The following POU2F3 variants were observed in gnomAD, a reference collection of about 807,000 sequenced individuals.
POU2F3 encodes POU class 2 homeobox 3.
Under a neutral mutation model 59.2 loss-of-function variants are expected in POU2F3, and 23 were observed. The ratio of observed to expected loss-of-function variants is 0.39; its 90% CI spans 0.28 to 0.55. The LOEUF (loss-of-function observed/expected upper bound fraction) is 0.55. POU2F3 is among the 20% of genes least tolerant of loss of function. The pLI, the probability that POU2F3 is intolerant of heterozygous loss-of-function variation, is 0.66. For synonymous variants in POU2F3, 190 were observed against 214.6 expected, an observed-to-expected ratio of 0.89 and a Z score of 1.00; for missense variants, 473 against 544.5, an observed-to-expected ratio of 0.87 and a Z score of 1.31.
chr11:120,294,090 G>C (rs2155811), intron 3 of POU2F3, among the ~76,000 whole-genome samples: 33,118 of 152,136 alleles, frequency 0.22, 4,243 homozygotes, highest in Admixed American at 0.43. Context: ...CTCCTTGGAA[G>C]GGGCTCTCTC....
chr11:120,300,116 G>A (rs1941306121), intron 5 of POU2F3, among the ~76,000 whole-genome samples: 1 of 152,190 alleles, frequency 6.6e-6, no homozygotes, highest in Non-Finnish European at 1.5e-5. Context: ...CTTGCTTCCT[G>A]GAAGCCTGGC....
chr11:120,317,377 G>A lies in POU2F3; in HGVS notation c.1271+13G>A, dbSNP rs191170546. The A allele has an allele frequency of 8.3e-5, 134 of 1,614,048 alleles. No individual in the cohort carries two copies. In the African/African-American group the frequency reaches 1.7e-3, roughly 20 times the overall value. On this transcript the variant is annotated intron_variant, in intron 12 of 12. Coordinates refer to ENST00000543440, the MANE Select transcript of POU2F3 (RefSeq NM_014352.4). Reference sequence around the variant, plus strand: ...TTAACTCTTCAGGGTAAGGTGAAGGGGACGGTGCAGAGACATCCCAGCAGG... The same window carrying A: ...TTAACTCTTCAGGGTAAGGTGAAGGAGACGGTGCAGAGACATCCCAGCAGG...
Position 120,318,214 on chromosome 11 carries a change from C to T in POU2F3, c.1272-139C>T, listed in dbSNP as rs568337188. On this transcript the variant is annotated intron_variant, in intron 12 of 12. Transcript: ENST00000543440. ...TTAGTATATTCACAAGGTTGTGCAA[C>T]CATCAGCGTTATCTAATTCCAGGAT... 6 of 741,524 alleles carry T rather than the reference C, an allele frequency of 8.1e-6. No homozygotes were observed. In the African/African-American group the frequency reaches 8.7e-5, roughly 11 times the overall value. The allele number at this position is 741,524 out of a possible 1,614,324, so 45.9% of individuals were successfully genotyped here.
chr11:120,236,855 C>T (rs1015849672), upstream of POU2F3: 11 of 724,862 alleles, frequency 1.5e-5, no homozygotes, highest in Admixed American at 2.3e-5. Flanking sequence ...GCCTTCTAAG[C>T]CTCAGGGCAC....
At chr11:120,302,071 G>A (rs1941363592) in intron 5 of POU2F3, 1 of 539,174 alleles carries the variant, frequency 1.9e-6, no homozygotes, top group Non-Finnish European at 3.3e-6. Flanking sequence ...CTGTTTACAT[G>A]TCTGTTTATC....
Position 120,317,019 on chromosome 11 carries a change from C to T in POU2F3, c.1136-210C>T, listed in dbSNP as rs953364999. The T allele has an allele frequency of 6.8e-5, 41 of 603,544 alleles. No homozygotes were observed. The African/African-American group carries it at 7.0e-4, about 10-fold the overall frequency. 37.4% of individuals were successfully genotyped at this position (603,544 alleles called of 1,614,324 possible). A position where few individuals can be genotyped will look rare whatever the true frequency, so the allele number is the denominator to read the frequency against. On this transcript the variant is annotated intron_variant, in intron 11 of 12. Coordinates refer to ENST00000543440, the MANE Select transcript of POU2F3 (RefSeq NM_014352.4). ...GCCACACCACTCTCCAGGGCCTGGG[C>T]TGCAGAGAGCATTTGTGACGACAGC...
At chr11:120,260,200 C>T (rs1247868469) in intron 2 of POU2F3, among the ~76,000 whole-genome samples, 1 of 152,282 alleles carries the variant, frequency 6.6e-6, no homozygotes, top group Non-Finnish European at 1.5e-5. Flanking sequence ...CTTCCACCTC[C>T]CTCACCCAGA....
intron 2 of POU2F3, among the ~76,000 whole-genome samples, chr11:120,252,871 C>T (rs1006244263): frequency 6.6e-6 from 1 of 152,152 alleles, no homozygotes; most frequent in African/African-American, 2.4e-5. Context: ...CCCTCTTCCT[C>T]TTGGAGATCT....
chr11:120,271,986 A>G (rs1940099556), intron 3 of POU2F3, among the ~76,000 whole-genome samples: 1 of 151,998 alleles, frequency 6.6e-6, no homozygotes, highest in South Asian at 2.1e-4. Flanking sequence ...TCACACTCAC[A>G]CCAGCTCACC....
chr11:120,243,232 T>C (rs918076501), intron 1 of POU2F3, among the ~76,000 whole-genome samples: 1 of 152,092 alleles, frequency 6.6e-6, no homozygotes, highest in East Asian at 1.9e-4. Flanking sequence ...AGCAGGTATG[T>C]GCGGGAGGAG....
At chr11:120,240,441 C>G in intron 1 of POU2F3, 70 bp downstream of exon 1, 3 of 1,299,440 alleles carry the variant, frequency 2.3e-6, no homozygotes, top group Non-Finnish European at 3.0e-6. Context: ...AGAGGGACAA[C>G]GTTCTGGTTA....
intron 2 of POU2F3, chr11:120,261,271 C>G (rs986025900): frequency 6.6e-6 from 1 of 151,822 alleles, no homozygotes; most frequent in African/African-American, 2.4e-5. Flanking sequence ...AGCTCTTTCA[C>G]TTTGTGCAAT....
At chr11:120,279,689 G>A (rs1039562937) in intron 3 of POU2F3, among the ~76,000 whole-genome samples, 7 of 152,230 alleles carry the variant, frequency 4.6e-5, no homozygotes, top group Admixed American at 6.5e-5. Context: ...GGTGTCAACT[G>A]TTTCCTGTTT....
At chr11:120,303,145 C>A (rs1941394533) in intron 6 of POU2F3, 1 of 152,202 alleles carries the variant, frequency 6.6e-6, no homozygotes, top group Non-Finnish European at 1.5e-5. Context: ...CATGGCTCAC[C>A]AAGAGCCCGG....
rs140964545 is a variant in POU2F3, at chr11:120,255,171, A to C, written c.97+8654A>C. ...GCCTAGCCCACCCTTGGCTTAGCCC[A>C]GCCAGAAAAACCAGCGGTTGGCCTT... On this transcript the variant is annotated intron_variant, in intron 2 of 12. Coordinates refer to ENST00000543440, the MANE Select transcript of POU2F3 (RefSeq NM_014352.4). Among the ~76,000 whole-genome samples, 249 of 152,184 alleles carry C rather than the reference A, an allele frequency of 1.6e-3. 1 individual carries two copies. Among genetic ancestry groups the C allele is most frequent in the African/African-American group, 5.7e-3 (235 of 41,540 alleles).
Position 120,240,315 on chromosome 11 carries a change from G to C in POU2F3, c.-29G>C, listed in dbSNP as rs747152893. On this transcript the variant is annotated 5_prime_UTR_variant, in exon 1 of 13. Transcript: ENST00000543440. ...GGGCAGAGGCGAGGGGCCTGGGGGG[G>C]CGCTGGCTTTGGCCCCGCCTGGGGC... 1 of 1,367,202 alleles carries C rather than the reference G, an allele frequency of 7.3e-7. No homozygotes were observed. Among genetic ancestry groups the C allele is most frequent in the South Asian group, 2.1e-5 (1 of 47,334 alleles). 84.7% of individuals were successfully genotyped at this position (1,367,202 alleles called of 1,614,324 possible). A position where few individuals can be genotyped will look rare whatever the true frequency, so the allele number is the denominator to read the frequency against.
rs957747423 is a variant in POU2F3 at position 120,285,453 on chromosome 11, C to G, written c.133-12812C>G. On this transcript the variant is annotated intron_variant, in intron 3 of 12. Coordinates refer to ENST00000543440, the MANE Select transcript of POU2F3 (RefSeq NM_014352.4). This position sits in a 1 kb window ranked among gnomAD's most constrained non-coding sequence, Gnocchi z 4.3. Reference sequence around the variant, plus strand: ...TTCAATATTTGAGAAGAGTCATCACCCTGAAATCATCCCTTTTCTGTGTAA... The same window carrying G: ...TTCAATATTTGAGAAGAGTCATCACGCTGAAATCATCCCTTTTCTGTGTAA... Among the ~76,000 whole-genome samples, 6 of 152,184 alleles carry G rather than the reference C, an allele frequency of 3.9e-5. No individual in the cohort carries two copies. The highest frequency in any genetic ancestry group is 8.8e-5 in the Non-Finnish European group (6 of 68,028).
In POU2F3 at chr11:120,289,000, T is replaced by C. The variant is rs138725870; in HGVS notation, c.133-9265T>C. Among the ~76,000 whole-genome samples, 1,083 of 152,286 alleles carry C rather than the reference T, an allele frequency of 7.1e-3. 11 individuals are homozygous for C. The highest frequency in any genetic ancestry group is 0.024 in the African/African-American group (1,017 of 41,560). On this transcript the variant is annotated intron_variant, in intron 3 of 12. Coordinates refer to ENST00000543440, the MANE Select transcript of POU2F3 (RefSeq NM_014352.4). ...AACTGTAACATTCTATATAGACACGTGACGTTTTGAATGCTTACTAACTTT... is the reference window on the plus strand; with the variant it reads ...AACTGTAACATTCTATATAGACACGCGACGTTTTGAATGCTTACTAACTTT...
intron 2 of POU2F3, among the ~76,000 whole-genome samples, chr11:120,260,643 C>A (rs1456427439): frequency 6.6e-6 from 1 of 152,222 alleles, no homozygotes; most frequent in Non-Finnish European, 1.5e-5. Context: ...ATCCCTCCAA[C>A]TGCAGCTTGG....
Sources: allele counts gnomAD v4.1 joint callset (sites outside exome capture counted in the v4.1 genomes callset), GRCh38; gene constraint gnomAD v4.1.1; non-coding constraint Gnocchi (gnomAD v3.1); transcripts MANE v1.5; gene names NCBI Gene and HGNC (gene_info 2026-07-23, HGNC 2026-07-21).